Variants in MELK observed in about 807,000 individuals in gnomAD.
MELK encodes the protein pEg3 kinase.
In MELK, 81 loss-of-function variants were observed where a neutral mutation model predicts 85.0. The ratio of observed to expected loss-of-function variants is 0.95; its 90% CI spans 0.80 to 1.15. The LOEUF is 1.15. Among genes scored for constraint, MELK ranks in the 50% most tolerant of loss-of-function variants. The pLI, the probability that MELK is intolerant of heterozygous loss-of-function variation, is 0.00. For synonymous variants in MELK, 252 were observed against 265.0 expected, an observed-to-expected ratio of 0.95 and a Z score of 0.48; for missense variants, 754 against 777.5, an observed-to-expected ratio of 0.97 and a Z score of 0.36.
rs1821240399 is a variant in MELK, at chr9:36,572,970, C to A, written c.-76C>A. The A allele has an allele frequency of 7.0e-6, 1 of 143,634 alleles. No individual in the cohort carries two copies. Among genetic ancestry groups the A allele is most frequent in the African/African-American group, 3.0e-5 (1 of 33,452 alleles). The allele number at this position is 143,634 out of a possible 1,614,324, so 8.9% of individuals were successfully genotyped here. A position where few individuals can be genotyped will look rare whatever the true frequency, so the allele number is the denominator to read the frequency against. On this transcript the variant is annotated 5_prime_UTR_variant, in exon 1 of 18. In the 5' UTR this introduces an upstream ATG that the reference lacks. Coordinates refer to ENST00000298048, the MANE Select transcript of MELK (RefSeq NM_014791.4). ...CTCAGGACAGCAGGCCCCTGTCCTTCTGTCGGGCGCCGCTCAGCCGTGCCC... is the reference window on the plus strand; with the variant it reads ...CTCAGGACAGCAGGCCCCTGTCCTTATGTCGGGCGCCGCTCAGCCGTGCCC...
At chr9:36,652,809 A>G (rs780053965) in intron 12 of MELK, among the ~76,000 whole-genome samples, 1 of 151,784 alleles carries the variant, frequency 6.6e-6, no homozygotes, top group African/African-American at 2.4e-5. Context: ...TAAACCAACT[A>G]CCTGTGGAGG....
At chr9:36,596,187 T>C (rs967038814) in intron 5 of MELK, among the ~76,000 whole-genome samples, 1 of 152,212 alleles carries the variant, frequency 6.6e-6, no homozygotes, top group African/African-American at 2.4e-5. Flanking sequence ...TTAAATTTGC[T>C]TTTGGCACAA....
intron 7 of MELK, among the ~76,000 whole-genome samples, chr9:36,600,290 A>C (rs959037467): frequency 6.6e-6 from 1 of 151,978 alleles, no homozygotes; most frequent in African/African-American, 2.4e-5. Flanking sequence ...GGGTTTCACC[A>C]TGTTGGCCAG....
intron 8 of MELK, among the ~76,000 whole-genome samples, chr9:36,610,284 G>C (rs939428088): frequency 6.6e-6 from 1 of 152,204 alleles, no homozygotes; most frequent in Non-Finnish European, 1.5e-5. Context: ...TAAGGACACT[G>C]AGTTCAATCT....
intron 7 of MELK, among the ~76,000 whole-genome samples, chr9:36,603,804 A>G (rs756863570): frequency 2.6e-5 from 4 of 152,166 alleles, no homozygotes; most frequent in Non-Finnish European, 5.9e-5. Flanking sequence ...TATTCAATTC[A>G]AAACAGCGAA....
At chr9:36,614,445 A>ATTTT (rs1564162098) in intron 8 of MELK, among the ~76,000 whole-genome samples, 21 of 88,894 alleles carry the variant, frequency 2.4e-4, no homozygotes, top group African/African-American at 9.1e-4. Context: ...TTTTTTTTTA[A>ATTTT]TTTATTTTTT....
intron 7 of MELK, among the ~76,000 whole-genome samples, chr9:36,603,795 A>G (rs991728848): frequency 2.6e-5 from 4 of 152,132 alleles, no homozygotes; most frequent in African/African-American, 9.7e-5. Flanking sequence ...TTATTCTCAT[A>G]TTCAATTCAA....
chr9:36,611,706 G>A (rs947037568), intron 8 of MELK, among the ~76,000 whole-genome samples: 2 of 151,748 alleles, frequency 1.3e-5, no homozygotes, highest in South Asian at 2.1e-4. Flanking sequence ...AAGATTAAAT[G>A]AGTTAATCCA....
intron 7 of MELK, among the ~76,000 whole-genome samples, chr9:36,601,278 A>G (rs1824896129): frequency 6.6e-6 from 1 of 152,048 alleles, no homozygotes; most frequent in Non-Finnish European, 1.5e-5. Context: ...TAGTTATTGC[A>G]TTTAGTTATT....
At chr9:36,621,306 A>AAAAAAAC (rs1827416388) in intron 8 of MELK, among the ~76,000 whole-genome samples, 1 of 140,718 alleles carries the variant, frequency 7.1e-6, no homozygotes, top group African/African-American at 2.7e-5. Context: ...AAAAAAAAAA[A>AAAAAAAC]AAAAAAAAAA....
At chr9:36,646,621 C>T (rs564766943) in intron 11 of MELK, among the ~76,000 whole-genome samples, 4 of 152,324 alleles carry the variant, frequency 2.6e-5, no homozygotes, top group South Asian at 2.1e-4. Context: ...TGGATTGTGG[C>T]AGCAGCCAGT....
chr9:36,653,989 C>T (rs1351701821), intron 12 of MELK, among the ~76,000 whole-genome samples: 1 of 147,660 alleles, frequency 6.8e-6, no homozygotes, highest in Non-Finnish European at 1.5e-5. Flanking sequence ...AGTGCACTGG[C>T]TGTTGTGTAA....
intron 3 of MELK, among the ~76,000 whole-genome samples, chr9:36,585,697 G>C (rs1301214274): frequency 6.6e-6 from 1 of 152,120 alleles, no homozygotes; most frequent in African/African-American, 2.4e-5. Flanking sequence ...AGCACTTTGG[G>C]AAGCTGAGGC....
At chr9:36,592,026 T>G (rs1018175792) in intron 4 of MELK, among the ~76,000 whole-genome samples, 5 of 152,164 alleles carry the variant, frequency 3.3e-5, no homozygotes, top group Non-Finnish European at 7.3e-5. Flanking sequence ...TTTTATTATA[T>G]TGTTAATAGA....
Position 36,625,203 on chromosome 9 carries a change from A to G in MELK, c.667-5096A>G, listed in dbSNP as rs1030971882. Among the ~76,000 whole-genome samples the G allele has an allele frequency of 3.3e-5, 5 of 152,280 alleles. No individual in the cohort carries two copies. In the South Asian group the frequency reaches 1.0e-3, roughly 32 times the overall value. ...CACTCTAGGAGCAGGCTGTGATCAG[A>G]GACTCAGGCAGCTCACGGCCTTTTG... On this transcript the variant is annotated intron_variant, in intron 8 of 17. Transcript: ENST00000298048.
chr9:36,594,577 G>C, intron 4 of MELK, 51 bp from the exon 5 acceptor site: 1 of 1,576,730 alleles, frequency 6.3e-7, no homozygotes, highest in Non-Finnish European at 8.6e-7. Flanking sequence ...AAATTTCTGT[G>C]AAGTGATTTT....
intron 1 of MELK, 70 bp from the exon 2 acceptor site, chr9:36,581,574 G>A: frequency 1.3e-6 from 1 of 772,108 alleles, no homozygotes; most frequent in Non-Finnish European, 2.2e-6. Flanking sequence ...ATTTAGATTT[G>A]CAGTTACAAG....
intron 8 of MELK, among the ~76,000 whole-genome samples, chr9:36,623,539 C>T (rs1209628345): frequency 6.6e-6 from 1 of 152,070 alleles, no homozygotes; most frequent in African/African-American, 2.4e-5. Flanking sequence ...GGTGTTCTGC[C>T]CAAATAGGGG....
At chr9:36,668,735 G>T (rs1048794371) in intron 14 of MELK, among the ~76,000 whole-genome samples, 1 of 151,938 alleles carries the variant, frequency 6.6e-6, no homozygotes, top group East Asian at 1.9e-4. Flanking sequence ...GGCTGGTCTC[G>T]AACTCCTGAC....
Sources: allele counts gnomAD v4.1 joint callset (sites outside exome capture counted in the v4.1 genomes callset), GRCh38; gene constraint gnomAD v4.1.1; transcripts MANE v1.5; gene names NCBI Gene and HGNC (gene_info 2026-07-23, HGNC 2026-07-21).